Variants in CHST15 observed in about 807,000 individuals in gnomAD.
The protein encoded by CHST15 is carbohydrate sulfotransferase 15.
CHST15 carries 30 observed loss-of-function variants against 53.6 expected under a neutral mutation model. That is an observed-to-expected ratio of 0.56 (90% CI 0.42 to 0.76). The LOEUF (loss-of-function observed/expected upper bound fraction) is 0.76. CHST15 is among the 30% of genes least tolerant of loss of function. CHST15 has a pLI of 0.00. For synonymous variants in CHST15, 296 were observed against 289.8 expected (o/e 1.02, Z -0.22); for missense variants, 627 against 740.5 (o/e 0.85, Z 1.78).
intron 1 of CHST15, among the ~76,000 whole-genome samples, chr10:124,066,031 TTCTG>T (rs1322709652): frequency 6.5e-5 from 9 of 137,802 alleles, no homozygotes; most frequent in African/African-American, 1.8e-4. Context: ...ACCCGAATTC[TTCTG>T]TCTTTTTGTC....
intron 1 of CHST15, among the ~76,000 whole-genome samples, chr10:124,056,818 G>A (rs890568134): frequency 1.3e-5 from 2 of 152,068 alleles, no homozygotes; most frequent in Admixed American, 6.5e-5. Context: ...GACACTCCAC[G>A]GCCCAGGCCT....
At chr10:124,083,371 C>A (rs78737781) in intron 1 of CHST15, among the ~76,000 whole-genome samples, 4,435 of 152,268 alleles carry the variant, frequency 0.029, 269 homozygotes, top group East Asian at 0.21. Context: ...TTATTTTCCA[C>A]CACTCAAATG....
Position 124,042,302 on chromosome 10 carries a change from G to C in CHST15, c.1032C>G (p.Ile344Met). Residue 344 changes from isoleucine (I) to methionine (M), a missense_variant and splice_region_variant, in exon 4 of 8, where the codon ATC becomes ATG. By Grantham distance (10) the Ile-to-Met change is conservative. Around this residue, in one of 3 missense-constraint regions of CHST15, gnomAD observed 279 missense variants for 371.6 expected, o/e 0.75. Coordinates refer to ENST00000435907, the MANE Select transcript of CHST15 (RefSeq NM_001270764.2). ...GCCAGAGTGACACAGACGCCTTACC[G>C]ATAATGATTGTATTCATCTTGCTCT... ...KEQSKMNTII[I>M]GEASASTMWD... is the part of the protein sequence containing the mutation. The C allele has an allele frequency of 6.2e-7, 1 of 1,609,020 alleles. No individual in the cohort carries two copies. The highest frequency in any genetic ancestry group is 8.5e-7 in the Non-Finnish European group (1 of 1,175,672).
chr10:124,089,372 A>T (rs557691270), intron 1 of CHST15, among the ~76,000 whole-genome samples: 14 of 152,316 alleles, frequency 9.2e-5, no homozygotes, highest in African/African-American at 3.4e-4. Flanking sequence ...CATCTCTGCA[A>T]TCCTGGGCCT....
chr10:124,021,490 G>A, intron 5 of CHST15, 78 bp from the exon 6 acceptor site: 1 of 1,544,024 alleles, frequency 6.5e-7, no homozygotes, highest in Non-Finnish European at 8.7e-7. Flanking sequence ...GAAAATCAGT[G>A]TACAATTACA....
At chr10:124,025,421 C>G (rs976627392) in intron 5 of CHST15, among the ~76,000 whole-genome samples, 1 of 152,214 alleles carries the variant, frequency 6.6e-6, no homozygotes, top group East Asian at 1.9e-4. Context: ...TTTGGCCTCT[C>G]AGTCACCTCT....
intron 3 of CHST15, among the ~76,000 whole-genome samples, chr10:124,044,045 A>AGGAACAGCACAGAGCAGG (rs1947849723): frequency 6.9e-6 from 1 of 144,288 alleles, no homozygotes; most frequent in Non-Finnish European, 1.5e-5. Context: ...CACAGAGCCA[A>AGGAACAGCACAGAGCAGG]GGAACAGCAC....
intron 1 of CHST15, among the ~76,000 whole-genome samples, chr10:124,090,917 G>A (rs1949584338): frequency 6.6e-6 from 1 of 152,226 alleles, no homozygotes; most frequent in African/African-American, 2.4e-5. Context: ...AAAGCCCAGA[G>A]GAGAGAGCCG....
intron 1 of CHST15, among the ~76,000 whole-genome samples, chr10:124,082,861 T>C (rs1244449705): frequency 2.0e-5 from 3 of 152,052 alleles, no homozygotes; most frequent in Non-Finnish European, 4.4e-5. Flanking sequence ...AAGTCCACAA[T>C]AGAGGAATTG....
intron 5 of CHST15, among the ~76,000 whole-genome samples, chr10:124,035,250 A>G (rs550892163): frequency 4.1e-5 from 5 of 121,736 alleles, no homozygotes; most frequent in East Asian, 2.8e-4. Context: ...ATCCCCTAAC[A>G]GGGACCCTGG....
chr10:124,060,673 A>G (rs1205429376), intron 1 of CHST15, among the ~76,000 whole-genome samples: 3 of 152,222 alleles, frequency 2.0e-5, no homozygotes, highest in Non-Finnish European at 4.4e-5. Flanking sequence ...CAGGAGCTGT[A>G]TGAAGCTGTA....
intron 3 of CHST15, 61 bp downstream of exon 3, chr10:124,044,519 C>T (rs1346047127): frequency 1.5e-6 from 2 of 1,344,028 alleles, no homozygotes; most frequent in South Asian, 1.6e-5. Flanking sequence ...GCTAACGTTG[C>T]GGGAGGAATG....
At chr10:124,014,753 T>C (rs1000586184) in intron 6 of CHST15, among the ~76,000 whole-genome samples, 10 of 152,290 alleles carry the variant, frequency 6.6e-5, no homozygotes, top group African/African-American at 2.4e-4. Flanking sequence ...AGCAGCCAGG[T>C]GTTTGTGGCA....
chr10:124,054,507 A>G (rs758768339), intron 1 of CHST15, among the ~76,000 whole-genome samples: 1 of 152,238 alleles, frequency 6.6e-6, no homozygotes, highest in Non-Finnish European at 1.5e-5. Context: ...TACAATATGC[A>G]GCCAGCGCCT....
chr10:124,011,701 AGGCCCCTGGG>A, intron 7 of CHST15: 1 of 985,418 alleles, frequency 1.0e-6, no homozygotes. Context: ...AGTGACTCTC[AGGCCCCTGGG>A]GGGGCTGGTA....
At chr10:124,092,930 C>T (rs1478407314) in intron 1 of CHST15, among the ~76,000 whole-genome samples, 2 of 152,242 alleles carry the variant, frequency 1.3e-5, no homozygotes, top group East Asian at 3.9e-4. Context: ...TCCCGGACAG[C>T]CCGCCGGTGC....
At position 124,008,055 on chromosome 10, in the gene CHST15, T is replaced by G. The variant is rs1946318461; in HGVS notation, c.*2094A>C. On this transcript the variant is annotated 3_prime_UTR_variant, in exon 8 of 8. Transcript: ENST00000435907. ...GTGGCACAGAAGGGATGGGACTGCATATATAAAAAAGATCCGCATAATAAA... is the reference window on the plus strand; with the variant it reads ...GTGGCACAGAAGGGATGGGACTGCAGATATAAAAAAGATCCGCATAATAAA... The G allele has an allele frequency of 8.1e-7, 1 of 1,231,922 alleles. No homozygotes were observed. The highest frequency in any genetic ancestry group is 1.6e-5 in the African/African-American group (1 of 64,368). The allele number at this position is 1,231,922 out of a possible 1,614,324, so 76.3% of individuals were successfully genotyped here.
intron 4 of CHST15, 116 bp downstream of exon 4, chr10:124,042,185 G>C (rs1947764689): frequency 1.9e-6 from 2 of 1,065,388 alleles, no homozygotes; most frequent in African/African-American, 3.2e-5. Context: ...CTCAAAAGAA[G>C]TTTGCTGCCA....
Position 124,009,250 on chromosome 10 carries a change from C to A in CHST15, c.*899G>T. 8.3e-6 allele frequency: 9 copies of A among 1,089,090 alleles called. No individual in the cohort carries two copies. The highest frequency in any genetic ancestry group is 1.0e-5 in the Non-Finnish European group (9 of 885,470). The allele number at this position is 1,089,090 out of a possible 1,614,324, so 67.5% of individuals were successfully genotyped here. ...AAGTGTTCAATTCCTTGAGGTTGCT[C>A]ATTCTGGCATTAACAGCAAAAATTT... On this transcript the variant is annotated 3_prime_UTR_variant, in exon 8 of 8. Transcript: ENST00000435907.
Sources: allele counts gnomAD v4.1 joint callset (sites outside exome capture counted in the v4.1 genomes callset), GRCh38; gene constraint gnomAD v4.1.1; regional missense constraint gnomAD v4.1.1; transcripts MANE v1.5; gene names NCBI Gene and HGNC (gene_info 2026-07-23, HGNC 2026-07-21).